MDGA2: variants seen among roughly 807,000 people sequenced by gnomAD.
The protein encoded by MDGA2 is MAM domain-containing glycosylphosphatidylinositol anchor protein 2.
In MDGA2, 40 loss-of-function variants were observed where a neutral mutation model predicts 117.8. The ratio of observed to expected loss-of-function variants is 0.34; its 90% CI spans 0.26 to 0.44. MDGA2 has a LOEUF of 0.44. Among genes scored for constraint, MDGA2 ranks in the 20% least tolerant of loss-of-function variants. MDGA2 has a pLI of 1.00. For synonymous variants in MDGA2, 452 were observed against 439.0 expected (o/e 1.03, Z -0.37); for missense variants, 1,123 against 1,250.6 (o/e 0.90, Z 1.54).
At chr14:47,180,992 C>T (rs1406618215) in intron 3 of MDGA2, among the ~76,000 whole-genome samples, 4 of 151,938 alleles carry the variant, frequency 2.6e-5, no homozygotes, top group Admixed American at 2.0e-4. Flanking sequence ...CAGAGGAAAA[C>T]GATCATTTAT....
intron 3 of MDGA2, among the ~76,000 whole-genome samples, chr14:47,184,453 C>T (rs973250606): frequency 2.0e-5 from 3 of 151,832 alleles, no homozygotes; most frequent in Non-Finnish European, 4.4e-5. Flanking sequence ...ACTGGTATAA[C>T]TTTGGGTTAT....
chr14:47,521,186 G>C (rs984391234), intron 1 of MDGA2, among the ~76,000 whole-genome samples: 1 of 152,060 alleles, frequency 6.6e-6, no homozygotes, highest in Non-Finnish European at 1.5e-5. Context: ...TTAGTCATTG[G>C]TTCAATGACT....
chr14:47,608,214 TA>T lies in MDGA2; in HGVS notation c.280+66302del, dbSNP rs201067463. The stretch of plus-strand genomic sequence containing the variant: ...GTATCATTTCTCATAGACACTGGCT[TA>T]GGAATAAGCACAAGTAGTTCCTCGT... On this transcript the variant is annotated intron_variant, in intron 1 of 16. Transcript: ENST00000399232. 6.2e-3 allele frequency among the ~76,000 whole-genome samples: 943 copies of T among 152,242 alleles called. 11 individuals are homozygous for T. The highest frequency in any genetic ancestry group is 0.021 in the African/African-American group (890 of 41,552).
chr14:47,275,221 T>C (rs1888272812), intron 2 of MDGA2, among the ~76,000 whole-genome samples: 2 of 152,172 alleles, frequency 1.3e-5, no homozygotes, highest in South Asian at 4.1e-4. Context: ...GAACAAGCAA[T>C]GTCATGTAAA....
chr14:47,609,729 ACCGCAT>A (rs1427913384), intron 1 of MDGA2, among the ~76,000 whole-genome samples: 1 of 151,356 alleles, frequency 6.6e-6, no homozygotes, highest in Non-Finnish European at 1.5e-5. Context: ...TTCCCCAATC[ACCGCAT>A]CCACATCAAC....
chr14:47,100,082 G>A (rs577657467), intron 5 of MDGA2, among the ~76,000 whole-genome samples: 1 of 152,006 alleles, frequency 6.6e-6, no homozygotes, highest in East Asian at 1.9e-4. Context: ...ACTTTTGAAA[G>A]TCCTATACCA....
chr14:47,124,709 C>G (rs1310062666), intron 5 of MDGA2, among the ~76,000 whole-genome samples: 2 of 151,898 alleles, frequency 1.3e-5, no homozygotes, highest in Non-Finnish European at 2.9e-5. Context: ...GGATGAGACT[C>G]TAATCAAATA....
chr14:46,917,552 A>G (rs1348696471), intron 10 of MDGA2, among the ~76,000 whole-genome samples: 1 of 152,206 alleles, frequency 6.6e-6, no homozygotes, highest in Non-Finnish European at 1.5e-5. Flanking sequence ...ATTGGAAGCC[A>G]AGTGTGTCTG....
intron 4 of MDGA2, among the ~76,000 whole-genome samples, chr14:47,138,363 T>A (rs1004893982): frequency 6.6e-6 from 1 of 152,078 alleles, no homozygotes. Flanking sequence ...ATTAGGTAAT[T>A]GATGTAAATA....
At chr14:47,098,385 CA>C (rs1484654166) in intron 5 of MDGA2, among the ~76,000 whole-genome samples, 1 of 150,840 alleles carries the variant, frequency 6.6e-6, no homozygotes, top group Admixed American at 6.6e-5. Flanking sequence ...AGTCTTCTAA[CA>C]TCACTTTAAA....
intron 8 of MDGA2, chr14:46,960,410 C>T (rs1177151056): frequency 1.3e-5 from 2 of 151,412 alleles, no homozygotes. Context: ...ACTTTTTGAT[C>T]ATGATTTTCT....
chr14:47,190,665 C>A (rs916314135), intron 3 of MDGA2, among the ~76,000 whole-genome samples: 3 of 152,148 alleles, frequency 2.0e-5, no homozygotes, highest in Non-Finnish European at 2.9e-5. Flanking sequence ...TTCAGAAAAT[C>A]ATGATCCCAT....
intron 8 of MDGA2, among the ~76,000 whole-genome samples, chr14:47,009,344 A>T (rs1177213953): frequency 6.6e-6 from 1 of 152,124 alleles, no homozygotes; most frequent in African/African-American, 2.4e-5. Flanking sequence ...TAAGATAACT[A>T]TTATGAGAAT....
chr14:47,421,746 A>G (rs927619158), intron 1 of MDGA2, among the ~76,000 whole-genome samples: 14 of 152,160 alleles, frequency 9.2e-5, no homozygotes, highest in Admixed American at 2.6e-4. Flanking sequence ...GCTGTTTATT[A>G]CTAACAGGAT....
intron 1 of MDGA2, among the ~76,000 whole-genome samples, chr14:47,522,484 G>T (rs1894891758): frequency 6.6e-6 from 1 of 151,984 alleles, no homozygotes; most frequent in African/African-American, 2.4e-5. Context: ...ATGCAGTTCT[G>T]AGTAGTTTTG....
At chr14:47,389,079 A>T (rs1891830087) in intron 1 of MDGA2, among the ~76,000 whole-genome samples, 1 of 152,218 alleles carries the variant, frequency 6.6e-6, no homozygotes, top group Admixed American at 6.5e-5. Flanking sequence ...GTTATGCATT[A>T]TCTATATTTG....
chr14:47,159,053 T>C (rs1038120288), intron 3 of MDGA2, among the ~76,000 whole-genome samples: 3 of 152,088 alleles, frequency 2.0e-5, no homozygotes, highest in Admixed American at 6.5e-5. Context: ...GAGGGATAAA[T>C]AGGCAGAGCA....
chr14:47,272,017 T>C (rs1265987009), intron 2 of MDGA2, among the ~76,000 whole-genome samples: 3 of 152,146 alleles, frequency 2.0e-5, no homozygotes, highest in Admixed American at 2.0e-4. Context: ...TATTATTTCA[T>C]GAAAGTATCC....
intron 1 of MDGA2, among the ~76,000 whole-genome samples, chr14:47,620,549 A>G (rs1310471730): frequency 6.6e-6 from 1 of 152,244 alleles, no homozygotes; most frequent in African/African-American, 2.4e-5. Context: ...ATGAGAGGGC[A>G]GGATAACCTA....
Sources: allele counts gnomAD v4.1 joint callset (sites outside exome capture counted in the v4.1 genomes callset), GRCh38; gene constraint gnomAD v4.1.1; transcripts MANE v1.5; gene names NCBI Gene and HGNC (gene_info 2026-07-23, HGNC 2026-07-21).